Variants in LAMA2 observed in about 807,000 individuals in gnomAD.
The protein encoded by LAMA2 is laminin subunit alpha 2, also known as laminin subunit alpha-2.
A neutral mutation model predicts 364.8 loss-of-function variants in LAMA2; 269 were observed. The ratio of observed to expected loss-of-function variants is 0.74; its 90% CI spans 0.67 to 0.82. The LOEUF is 0.82. Ranked by LOEUF, LAMA2 falls within the 40% of genes least tolerant of loss-of-function variation. The pLI, the probability that LAMA2 is intolerant of heterozygous loss-of-function variation, is 0.00. For missense variants in LAMA2, 3,807 were observed against 3,873.2 expected, an observed-to-expected ratio of 0.98 and a Z score of 0.45; for synonymous variants, 1,379 against 1,370.6, an observed-to-expected ratio of 1.01 and a Z score of -0.14.
rs753735994 is a variant in LAMA2 at position 129,301,185 on chromosome 6, GGA to G, written c.3174+314_3174+315del. On this transcript the variant is annotated intron_variant, in intron 22 of 64. Coordinates refer to ENST00000421865, the MANE Select transcript of LAMA2 (RefSeq NM_000426.4). The stretch of plus-strand genomic sequence containing the variant: ...AAGGACATACATGTGCAAAGTATGA[GGA>G]TATGAGGAACTAATTAATTTTCCAA... Among the ~76,000 whole-genome samples, 12 of 152,202 alleles carry G rather than the reference GGA, an allele frequency of 7.9e-5. No individual in the cohort carries two copies. In the South Asian group the frequency reaches 1.2e-3, roughly 16 times the overall value.
intron 40 of LAMA2, among the ~76,000 whole-genome samples, chr6:129,404,497 A>T (rs1473295413): frequency 6.6e-6 from 1 of 152,202 alleles, no homozygotes; most frequent in Non-Finnish European, 1.5e-5. Flanking sequence ...ATACATTTGG[A>T]ACAAGTATTT....
intron 12 of LAMA2, among the ~76,000 whole-genome samples, chr6:129,246,594 A>G (rs1785769237): frequency 6.6e-6 from 1 of 152,210 alleles, no homozygotes; most frequent in African/African-American, 2.4e-5. Flanking sequence ...CCACTGGGGA[A>G]TCTTCATTAG....
chr6:129,314,489 A>G (rs1400881257), intron 23 of LAMA2, among the ~76,000 whole-genome samples, 166 bp from the exon 24 acceptor site: 1 of 151,976 alleles, frequency 6.6e-6, no homozygotes, highest in Non-Finnish European at 1.5e-5. Flanking sequence ...ACTCCTAACA[A>G]TGAGGTTAAC....
intron 12 of LAMA2, among the ~76,000 whole-genome samples, chr6:129,223,336 CT>C (rs1473516306): frequency 6.6e-6 from 1 of 152,126 alleles, no homozygotes; most frequent in African/African-American, 2.4e-5. Flanking sequence ...TGCAGAAGCT[CT>C]TTAGTTTAAT....
At chr6:129,444,689 G>A (rs908644344) in intron 44 of LAMA2, among the ~76,000 whole-genome samples, 1 of 152,064 alleles carries the variant, frequency 6.6e-6, no homozygotes, top group Non-Finnish European at 1.5e-5. Context: ...CATGTGATTC[G>A]TTCCTGAGGG....
intron 1 of LAMA2, among the ~76,000 whole-genome samples, chr6:128,888,679 A>C (rs980233156): frequency 1.3e-5 from 2 of 152,198 alleles, no homozygotes; most frequent in African/African-American, 4.8e-5. Context: ...GCCTATGAGG[A>C]TCTAAGCTTG....
chr6:129,095,051 T>C (rs1775085900), intron 3 of LAMA2, among the ~76,000 whole-genome samples: 1 of 152,224 alleles, frequency 6.6e-6, no homozygotes, highest in Non-Finnish European at 1.5e-5. Context: ...CTAAATGTAA[T>C]AAATATCAAA....
chr6:129,368,287 C>G (rs1583588344), intron 33 of LAMA2, among the ~76,000 whole-genome samples: 1 of 152,222 alleles, frequency 6.6e-6, no homozygotes, highest in Non-Finnish European at 1.5e-5. Flanking sequence ...GAGAAGGCAG[C>G]TGTGCTTAAC....
At chr6:129,484,985 T>G (rs777285673) in intron 55 of LAMA2, among the ~76,000 whole-genome samples, 8 of 152,194 alleles carry the variant, frequency 5.3e-5, no homozygotes, top group Non-Finnish European at 1.2e-4. Context: ...ATAAAAATAT[T>G]TTTGAAGAGT....
chr6:129,186,752 C>A (rs1321945636), intron 10 of LAMA2, among the ~76,000 whole-genome samples: 1 of 151,608 alleles, frequency 6.6e-6, no homozygotes, highest in Non-Finnish European at 1.5e-5. Context: ...TTTTCTTCCA[C>A]CTTGTAATAT....
At chr6:128,898,857 A>T (rs1249708019) in intron 1 of LAMA2, among the ~76,000 whole-genome samples, 1 of 152,156 alleles carries the variant, frequency 6.6e-6, no homozygotes, top group Non-Finnish European at 1.5e-5. Flanking sequence ...AACAGTAAAG[A>T]CTTTTTTTCC....
chr6:128,957,554 C>T (rs545746342), intron 1 of LAMA2, among the ~76,000 whole-genome samples: 15 of 152,220 alleles, frequency 9.9e-5, no homozygotes, highest in South Asian at 4.1e-4. Flanking sequence ...TGCCATTAGG[C>T]CTTCTTGAAG....
intron 35 of LAMA2, among the ~76,000 whole-genome samples, chr6:129,390,305 A>ATGC (rs1324170055): frequency 1.3e-5 from 2 of 151,940 alleles, no homozygotes; most frequent in East Asian, 3.9e-4. Context: ...CAAGGTGGTG[A>ATGC]TGCTGCTGCT....
At chr6:129,212,083 A>G (rs921586517) in intron 12 of LAMA2, among the ~76,000 whole-genome samples, 23 of 152,168 alleles carry the variant, frequency 1.5e-4, no homozygotes, top group African/African-American at 5.3e-4. Flanking sequence ...GTCTGTCTGG[A>G]TTTCCGAAAT....
At chr6:129,081,406 A>T (rs2114839791) in intron 3 of LAMA2, among the ~76,000 whole-genome samples, 1 of 152,240 alleles carries the variant, frequency 6.6e-6, no homozygotes, top group Non-Finnish European at 1.5e-5. Context: ...AAAAAAAGAA[A>T]CTTAAAAAAA....
At chr6:129,059,709 A>T in intron 2 of LAMA2, 75 bp from the exon 3 acceptor site, 7 of 887,116 alleles carry the variant, frequency 7.9e-6, no homozygotes, top group African/African-American at 3.4e-5. Flanking sequence ...ATTTTTTTTT[A>T]CTTTAAAGAA....
At chr6:128,888,526 G>A (rs1776274255) in intron 1 of LAMA2, among the ~76,000 whole-genome samples, 1 of 152,182 alleles carries the variant, frequency 6.6e-6, no homozygotes, top group South Asian at 2.1e-4. Flanking sequence ...AGGAATGGAG[G>A]GAGGTTGATG....
chr6:129,409,504 G>T (rs967703963), intron 40 of LAMA2, among the ~76,000 whole-genome samples: 1 of 152,212 alleles, frequency 6.6e-6, no homozygotes, highest in African/African-American at 2.4e-5. Context: ...GGCTAGATGG[G>T]TCAGAAAGCA....
At chr6:129,168,507 C>A (rs1251897003) in intron 9 of LAMA2, among the ~76,000 whole-genome samples, 1 of 151,938 alleles carries the variant, frequency 6.6e-6, no homozygotes, top group African/African-American at 2.4e-5. Context: ...GGGCTCTGTT[C>A]TGTTCCATTG....
Sources: gnomAD v4.1 joint callset for allele counts (sites outside exome capture counted in the v4.1 genomes callset) on GRCh38, gnomAD v4.1.1 for gene constraint, MANE v1.5 for transcripts, NCBI Gene and HGNC (gene_info 2026-07-23, HGNC 2026-07-21) for gene names.